BICC1: variants seen among roughly 807,000 people sequenced by gnomAD.
BICC1 encodes the protein protein bicaudal C homolog 1.
Under a neutral mutation model 111.0 loss-of-function variants are expected in BICC1, and 43 were observed. The ratio of observed to expected loss-of-function variants is 0.39; its 90% CI spans 0.30 to 0.50. The LOEUF (loss-of-function observed/expected upper bound fraction) is 0.50. BICC1 is among the 20% of genes least tolerant of loss of function. The pLI is 0.88. For synonymous variants in BICC1, 467 were observed against 434.4 expected, an observed-to-expected ratio of 1.07 and a Z score of -0.93; for missense variants, 1,091 against 1,203.2, an observed-to-expected ratio of 0.91 and a Z score of 1.38.
intron 1 of BICC1, among the ~76,000 whole-genome samples, chr10:58,605,971 A>G (rs1195329503): frequency 6.6e-6 from 1 of 151,946 alleles, no homozygotes; most frequent in African/African-American, 2.4e-5. Flanking sequence ...AATATTTTTT[A>G]TACCTATCAC....
chr10:58,524,722 A>C (rs574884736), intron 1 of BICC1, among the ~76,000 whole-genome samples: 46 of 152,112 alleles, frequency 3.0e-4, no homozygotes, highest in African/African-American at 1.1e-3. Flanking sequence ...GGATCTAATT[A>C]AACTAAAGAG....
intron 1 of BICC1, among the ~76,000 whole-genome samples, chr10:58,584,723 T>C (rs931132434): frequency 1.3e-5 from 2 of 152,138 alleles, no homozygotes; most frequent in East Asian, 1.9e-4. Context: ...CATGGGACTT[T>C]TAATGCTGAA....
rs560275692 is a variant in BICC1 at position 58,527,029 on chromosome 10, T to C, written c.190+13696T>C. ...CTGTCTTCCACAATGGTTGAACTAGTTTACAGTACCACCAACGGTTTAAAA... is the reference window on the plus strand; with the variant it reads ...CTGTCTTCCACAATGGTTGAACTAGCTTACAGTACCACCAACGGTTTAAAA... On this transcript the variant is annotated intron_variant, in intron 1 of 20. Transcript: ENST00000373886. Among the ~76,000 whole-genome samples the C allele has an allele frequency of 9.9e-5, 15 of 152,232 alleles. No homozygotes were observed. The South Asian group carries it at 3.1e-3, about 32-fold the overall frequency.
chr10:58,804,674 A>T (rs1843656286), intron 15 of BICC1, among the ~76,000 whole-genome samples: 1 of 152,090 alleles, frequency 6.6e-6, no homozygotes, highest in South Asian at 2.1e-4. Context: ...CACCTTTTCC[A>T]TCAGATTTAT....
At position 58,753,195 on chromosome 10, in the gene BICC1, C is replaced by CT. The variant is rs1281513402; in HGVS notation, c.308-31803dup. 3.9e-5 allele frequency among the ~76,000 whole-genome samples: 6 copies of CT among 152,176 alleles called. No individual in the cohort carries two copies. In the East Asian group the frequency reaches 9.7e-4, roughly 25 times the overall value. The stretch of plus-strand genomic sequence containing the variant: ...TTGTTGTTGTTGAGATAGGGCATCC[C>CT]TTTGTCACCCAGGCTGGAGTGCAGT... On this transcript the variant is annotated intron_variant, in intron 3 of 20. Coordinates refer to ENST00000373886, the MANE Select transcript of BICC1 (RefSeq NM_001080512.3).
At chr10:58,683,516 T>A (rs567031509) in intron 2 of BICC1, among the ~76,000 whole-genome samples, 1 of 152,250 alleles carries the variant, frequency 6.6e-6, no homozygotes, top group African/African-American at 2.4e-5. Flanking sequence ...TCCATGAGCA[T>A]GGAATGTTCT....
At chr10:58,534,088 C>A (rs1305216970) in intron 1 of BICC1, among the ~76,000 whole-genome samples, 1 of 151,734 alleles carries the variant, frequency 6.6e-6, no homozygotes, top group Non-Finnish European at 1.5e-5. Context: ...AAAAGATATT[C>A]CATGCAAATG....
intron 1 of BICC1, among the ~76,000 whole-genome samples, chr10:58,591,015 T>A (rs1844598142): frequency 6.6e-6 from 1 of 152,198 alleles, no homozygotes; most frequent in Non-Finnish European, 1.5e-5. Flanking sequence ...CTCCCTTCCC[T>A]CAAAGGCCTG....
In BICC1 at chr10:58,789,426, A is replaced by C; in HGVS notation, c.765A>C (p.Arg255=). Reference sequence around the variant, plus strand: ...TGTATGGTGCTACTGTCATAGTACGAGGGTCTCAGAATAACACTAGTGCTG... The same window carrying C: ...TGTATGGTGCTACTGTCATAGTACGCGGGTCTCAGAATAACACTAGTGCTG... The part of the protein sequence containing the change: ...SRMYGATVIV[R]GSQNNTSAVK... The change falls in exon 7 of 21, where the codon CGA becomes CGC. Residue 255 remains arginine, a synonymous_variant. Transcript: ENST00000373886. The C allele has an allele frequency of 6.2e-7, 1 of 1,614,028 alleles. No individual in the cohort carries two copies.
At chr10:58,808,300 T>C (rs552579379) in intron 17 of BICC1, among the ~76,000 whole-genome samples, 77 of 152,192 alleles carry the variant, frequency 5.1e-4, no homozygotes, top group Middle Eastern at 3.4e-3. Flanking sequence ...AGAGAGAAAA[T>C]AAACATCTCC....
intron 1 of BICC1, among the ~76,000 whole-genome samples, chr10:58,619,869 G>GAC (rs1475947083): frequency 1.3e-5 from 2 of 152,238 alleles, no homozygotes; most frequent in African/African-American, 2.4e-5. Context: ...AAGTGTTCTG[G>GAC]ACACACACAC....
At chr10:58,745,607 C>CCCA (rs1554827843) in intron 3 of BICC1, among the ~76,000 whole-genome samples, 7 of 128,204 alleles carry the variant, frequency 5.5e-5, no homozygotes, top group African/African-American at 2.0e-4. Flanking sequence ...CCACCGCCCC[C>CCCA]CCCCCACATT....
At chr10:58,642,011 A>G (rs117261802) in intron 2 of BICC1, among the ~76,000 whole-genome samples, 1 of 152,346 alleles carries the variant, frequency 6.6e-6, no homozygotes, top group East Asian at 1.9e-4. Flanking sequence ...CTTGCAGGGA[A>G]GACACAATTT....
chr10:58,623,663 A>G (rs1037158310), intron 2 of BICC1, among the ~76,000 whole-genome samples: 1 of 152,160 alleles, frequency 6.6e-6, no homozygotes. Flanking sequence ...GGCTCCTTCT[A>G]AGACATATCT....
chr10:58,828,418 G>C (rs896316574), intron 20 of BICC1, among the ~76,000 whole-genome samples: 2 of 152,188 alleles, frequency 1.3e-5, no homozygotes, highest in African/African-American at 2.4e-5. Flanking sequence ...TTTGGAGTAG[G>C]TCAAACTATT....
At chr10:58,648,819 G>C (rs940367734) in intron 2 of BICC1, 1 of 276,348 alleles carries the variant, frequency 3.6e-6, no homozygotes, top group African/African-American at 2.3e-5. Flanking sequence ...CTTGATAGTT[G>C]CACTATGCAT....
At chr10:58,685,447 G>A (rs1839688968) in intron 2 of BICC1, among the ~76,000 whole-genome samples, 1 of 152,154 alleles carries the variant, frequency 6.6e-6, no homozygotes, top group Non-Finnish European at 1.5e-5. Context: ...TCATTGTTGT[G>A]TCTAATGTTG....
chr10:58,793,600 C>T lies in BICC1; in HGVS notation c.1164C>T (p.Pro388=). 1 of 1,613,704 alleles carries T rather than the reference C, an allele frequency of 6.2e-7. No individual in the cohort carries two copies. Among genetic ancestry groups the T allele is most frequent in the Non-Finnish European group, 8.5e-7 (1 of 1,179,868 alleles). ...TCTTCATCAGTATTAAACCAAAGCC[C>T]AAACAGCCAAGCAAGGTTGGTTCAG... ...LDVFISIKPK[P]KQPSKSVIVK... Residue 388 remains proline, a synonymous_variant, in exon 9 of 21, where the codon CCC becomes CCT. Coordinates refer to ENST00000373886, the MANE Select transcript of BICC1 (RefSeq NM_001080512.3).
intron 2 of BICC1, among the ~76,000 whole-genome samples, chr10:58,634,377 A>G (rs1837891987): frequency 6.6e-6 from 1 of 152,144 alleles, no homozygotes; most frequent in Non-Finnish European, 1.5e-5. Flanking sequence ...CATTTTAGTG[A>G]TAGTAAACTC....
Sources: gnomAD v4.1 joint callset for allele counts (sites outside exome capture counted in the v4.1 genomes callset) on GRCh38, gnomAD v4.1.1 for gene constraint, MANE v1.5 for transcripts, NCBI Gene and HGNC (gene_info 2026-07-23, HGNC 2026-07-21) for gene names.